The following CADM1 variants were observed in gnomAD, a reference collection of about 807,000 sequenced individuals.
CADM1 encodes the protein cell adhesion molecule 1.
CADM1 carries 15 observed loss-of-function variants against 53.1 expected under a neutral mutation model. That is an observed-to-expected ratio of 0.28 (90% confidence interval 0.19 to 0.44). CADM1 has a LOEUF of 0.44. Among genes scored for constraint, CADM1 ranks in the 20% least tolerant of loss-of-function variants. The pLI is 1.00. For synonymous variants in CADM1, 281 were observed against 243.0 expected, an observed-to-expected ratio of 1.16 and a Z score of -1.45; for missense variants, 434 against 611.3, an observed-to-expected ratio of 0.71 and a Z score of 3.06.
intron 1 of CADM1, among the ~76,000 whole-genome samples, chr11:115,409,037 CCCAG>C (rs1947388267): frequency 2.1e-5 from 1 of 46,656 alleles, no homozygotes; most frequent in Non-Finnish European, 3.6e-5. Flanking sequence ...AAAAAGGGAG[CCCAG>C]GCAGCTATAA....
rs190273377 is a variant in CADM1 at position 115,240,535 on chromosome 11, T to C, written c.125-115A>G. ...TAGAAAATGAACACAAGTAGCAACATTTAGCATGGCTCTAATACCTTTCTT... is the reference window on the plus strand; with the variant it reads ...TAGAAAATGAACACAAGTAGCAACACTTAGCATGGCTCTAATACCTTTCTT... On this transcript the variant is annotated intron_variant, in intron 1 of 11. Transcript: ENST00000331581. 1,145 of 1,051,600 alleles carry C rather than the reference T, an allele frequency of 1.1e-3. 4 individuals carry two copies. In the African/African-American group the frequency reaches 0.012, roughly 11 times the overall value. The allele number at this position is 1,051,600 out of a possible 1,614,324, so 65.1% of individuals were successfully genotyped here. A position where few individuals can be genotyped will look rare whatever the true frequency, so the allele number is the denominator to read the frequency against.
intron 1 of CADM1, among the ~76,000 whole-genome samples, chr11:115,503,281 T>A (rs898414719): frequency 2.0e-5 from 3 of 152,146 alleles, no homozygotes; most frequent in Non-Finnish European, 4.4e-5. Context: ...CAGCCACACA[T>A]CGGGCTCCAG....
At chr11:115,292,473 G>A (rs1287523404) in intron 1 of CADM1, among the ~76,000 whole-genome samples, 5 of 152,140 alleles carry the variant, frequency 3.3e-5, no homozygotes, top group African/African-American at 9.7e-5. Context: ...GGGGAAGCAC[G>A]GCACATCCTT....
chr11:115,363,027 A>C (rs1424167121), intron 1 of CADM1, among the ~76,000 whole-genome samples: 1 of 152,168 alleles, frequency 6.6e-6, no homozygotes, highest in African/African-American at 2.4e-5. Context: ...TCATTCACCA[A>C]TTTCAAGTCC....
intron 1 of CADM1, among the ~76,000 whole-genome samples, chr11:115,435,289 G>A (rs2135307687): frequency 6.6e-6 from 1 of 152,298 alleles, no homozygotes; most frequent in African/African-American, 2.4e-5. Flanking sequence ...GTCTGGAACT[G>A]GGGTTGGCAA....
intron 1 of CADM1, among the ~76,000 whole-genome samples, chr11:115,274,257 C>T (rs1399644428): frequency 1.3e-5 from 2 of 152,208 alleles, no homozygotes; most frequent in Non-Finnish European, 2.9e-5. Context: ...CTTTAGACAA[C>T]AGGGGTTTGT....
chr11:115,477,102 G>T (rs909594565), intron 1 of CADM1, among the ~76,000 whole-genome samples: 1 of 152,136 alleles, frequency 6.6e-6, no homozygotes, highest in African/African-American at 2.4e-5. Flanking sequence ...GACAGGATAG[G>T]ATGGTGCACA....
intron 1 of CADM1, among the ~76,000 whole-genome samples, chr11:115,284,114 C>CTCTCTGTG (rs1351842329): frequency 1.0e-5 from 1 of 98,612 alleles, no homozygotes; most frequent in Non-Finnish European, 2.1e-5. Context: ...CTCTCTCTCT[C>CTCTCTGTG]TGTGTGTGTG....
chr11:115,351,637 G>A (rs1945739865), intron 1 of CADM1, among the ~76,000 whole-genome samples: 1 of 152,158 alleles, frequency 6.6e-6, no homozygotes, highest in Non-Finnish European at 1.5e-5. Context: ...AATGCTTGAG[G>A]CAGAGAGAAG....
At chr11:115,311,446 C>T (rs1313548175) in intron 1 of CADM1, among the ~76,000 whole-genome samples, 1 of 152,098 alleles carries the variant, frequency 6.6e-6, no homozygotes, top group Non-Finnish European at 1.5e-5. Flanking sequence ...TATTCAAGTC[C>T]TGCCATTGGT....
chr11:115,303,195 G>A (rs966937929), intron 1 of CADM1, among the ~76,000 whole-genome samples: 4 of 151,988 alleles, frequency 2.6e-5, no homozygotes, highest in African/African-American at 7.2e-5. Context: ...TAGTGTAAAC[G>A]TTCAGCATAT....
chr11:115,356,493 G>A (rs1280532674), intron 1 of CADM1, among the ~76,000 whole-genome samples: 2 of 152,012 alleles, frequency 1.3e-5, no homozygotes, highest in South Asian at 2.1e-4. Flanking sequence ...CACATAAAGT[G>A]TCCTTGATAA....
intron 1 of CADM1, among the ~76,000 whole-genome samples, chr11:115,255,565 C>T (rs1018536597): frequency 6.6e-5 from 10 of 152,102 alleles, no homozygotes; most frequent in African/African-American, 2.2e-4. Flanking sequence ...CAGTCATAAA[C>T]ACAAGACTAA....
intron 1 of CADM1, among the ~76,000 whole-genome samples, chr11:115,269,392 G>A (rs145456343): frequency 5.9e-5 from 9 of 152,278 alleles, no homozygotes; most frequent in East Asian, 1.9e-4. Flanking sequence ...ACTGCAGCAC[G>A]CTTCGATGCC....
chr11:115,500,444 C>T (rs553642665), intron 1 of CADM1, among the ~76,000 whole-genome samples: 122 of 152,288 alleles, frequency 8.0e-4, no homozygotes, highest in Non-Finnish European at 1.4e-3. Flanking sequence ...GCCTAAAAAT[C>T]ATTTAGCAAT....
intron 1 of CADM1, among the ~76,000 whole-genome samples, chr11:115,447,163 G>A (rs1028012334): frequency 2.0e-5 from 3 of 152,138 alleles, no homozygotes; most frequent in Non-Finnish European, 2.9e-5. Flanking sequence ...ATAATACCTA[G>A]ACAAGAACAT....
At chr11:115,226,078 A>G (rs1255694279) in intron 5 of CADM1, among the ~76,000 whole-genome samples, 1 of 152,164 alleles carries the variant, frequency 6.6e-6, no homozygotes, top group South Asian at 2.1e-4. Flanking sequence ...GTGATAACCT[A>G]TTGTTTCTCA....
At chr11:115,294,168 C>T (rs1416390598) in intron 1 of CADM1, among the ~76,000 whole-genome samples, 2 of 152,158 alleles carry the variant, frequency 1.3e-5, no homozygotes, top group Non-Finnish European at 2.9e-5. Flanking sequence ...CCTCTCCAGA[C>T]GTAGCCTCTG....
chr11:115,305,807 C>T (rs910825093), intron 1 of CADM1, among the ~76,000 whole-genome samples: 2 of 148,862 alleles, frequency 1.3e-5, no homozygotes, highest in African/African-American at 2.5e-5. Flanking sequence ...ACAGACCAGC[C>T]AGTCATTCGT....
Sources: allele counts gnomAD v4.1 joint callset (sites outside exome capture counted in the v4.1 genomes callset), GRCh38; gene constraint gnomAD v4.1.1; transcripts MANE v1.5; gene names NCBI Gene and HGNC (gene_info 2026-07-23, HGNC 2026-07-21).